The following PSD3 variants were observed in gnomAD, a reference collection of about 807,000 sequenced individuals.
The protein encoded by PSD3 is pleckstrin and Sec7 domain containing 3.
In PSD3, 49 loss-of-function variants were observed where a neutral mutation model predicts 105.5. The ratio of observed to expected loss-of-function variants is 0.46; its 90% CI spans 0.37 to 0.59. The LOEUF (loss-of-function observed/expected upper bound fraction) is 0.59. Among genes scored for constraint, PSD3 ranks in the 20% least tolerant of loss-of-function variants. PSD3 has a pLI of 0.00. For synonymous variants in PSD3, 557 were observed against 457.8 expected, an observed-to-expected ratio of 1.22 and a Z score of -2.77; for missense variants, 1,561 against 1,263.8, an observed-to-expected ratio of 1.24 and a Z score of -3.57.
At chr8:18,720,694 C>G (rs541174380) in intron 9 of PSD3, among the ~76,000 whole-genome samples, 1 of 152,206 alleles carries the variant, frequency 6.6e-6, no homozygotes, top group South Asian at 2.1e-4. Flanking sequence ...CCTGCCTGGC[C>G]ACCCCCACAG....
At chr8:18,644,573 G>A (rs1315916169) in intron 10 of PSD3, among the ~76,000 whole-genome samples, 1 of 152,128 alleles carries the variant, frequency 6.6e-6, no homozygotes, top group Non-Finnish European at 1.5e-5. Context: ...TTCTAATTAT[G>A]ATCACTTAAG....
At chr8:18,559,007 A>G (rs1419556747) in intron 14 of PSD3, among the ~76,000 whole-genome samples, 4 of 152,096 alleles carry the variant, frequency 2.6e-5, no homozygotes, top group African/African-American at 9.7e-5. Flanking sequence ...ACACATTACA[A>G]TTTTGTTTAA....
intron 11 of PSD3, among the ~76,000 whole-genome samples, chr8:18,610,535 G>A (rs1188905486): frequency 2.6e-5 from 4 of 152,090 alleles, no homozygotes; most frequent in Non-Finnish European, 5.9e-5. Context: ...GTGATTCTGG[G>A]GGCTGCCTGA....
chr8:18,861,533 C>T (rs531094037), intron 4 of PSD3, among the ~76,000 whole-genome samples: 1 of 152,134 alleles, frequency 6.6e-6, no homozygotes, highest in East Asian at 1.9e-4. Flanking sequence ...TCTGATCACA[C>T]TAGGTGTCCT....
intron 1 of PSD3, among the ~76,000 whole-genome samples, chr8:18,969,517 T>C (rs900501150): frequency 2.0e-5 from 3 of 152,240 alleles, no homozygotes; most frequent in South Asian, 2.1e-4. Flanking sequence ...AAAATTATGT[T>C]ATACCAACAA....
At chr8:18,829,416 C>T (rs577433185) in intron 4 of PSD3, among the ~76,000 whole-genome samples, 73 of 152,248 alleles carry the variant, frequency 4.8e-4, no homozygotes, top group Middle Eastern at 3.4e-3. Flanking sequence ...CATAGTTCCC[C>T]AGCAATTAGA....
At chr8:18,701,212 T>C (rs926242269) in intron 9 of PSD3, among the ~76,000 whole-genome samples, 5 of 151,772 alleles carry the variant, frequency 3.3e-5, no homozygotes, top group Non-Finnish European at 5.9e-5. Context: ...CCAAGTGATC[T>C]TCCTGCCTTA....
intron 4 of PSD3, among the ~76,000 whole-genome samples, chr8:18,825,868 C>T (rs943596149): frequency 9.2e-5 from 14 of 152,164 alleles, no homozygotes; most frequent in Admixed American, 7.9e-4. Context: ...TTTCCCCCTA[C>T]AGCAAAAAGG....
intron 9 of PSD3, among the ~76,000 whole-genome samples, chr8:18,715,233 T>C (rs985568500): frequency 1.2e-4 from 18 of 152,158 alleles, no homozygotes; most frequent in Admixed American, 1.2e-3. Flanking sequence ...GGCACACGTT[T>C]ACCCATGTAA....
intron 1 of PSD3, among the ~76,000 whole-genome samples, chr8:19,074,740 C>T (rs1248667472): frequency 1.3e-5 from 2 of 149,866 alleles, no homozygotes; most frequent in African/African-American, 4.9e-5. Flanking sequence ...CCTGCCTCAG[C>T]CTCCCGAGTA....
At chr8:18,764,818 C>T (rs1806838754) in intron 9 of PSD3, among the ~76,000 whole-genome samples, 1 of 152,156 alleles carries the variant, frequency 6.6e-6, no homozygotes, top group South Asian at 2.1e-4. Context: ...CTACAACCCC[C>T]CAAATACTCA....
chr8:18,593,845 A>G (rs549509869), intron 12 of PSD3, among the ~76,000 whole-genome samples: 2 of 151,468 alleles, frequency 1.3e-5, no homozygotes, highest in Admixed American at 1.3e-4. Context: ...GAAGCTGGAA[A>G]CCATCATTCT....
intron 11 of PSD3, among the ~76,000 whole-genome samples, chr8:18,614,340 T>TCCCCCCCCC (rs150517140): frequency 3.2e-5 from 3 of 93,596 alleles, no homozygotes; most frequent in African/African-American, 1.2e-4. Flanking sequence ...TTCTCCCCCA[T>TCCCCCCCCC]CCCCCCCCCA....
At chr8:18,929,252 T>TAA (rs5889835) in intron 2 of PSD3, among the ~76,000 whole-genome samples, 1 of 147,426 alleles carries the variant, frequency 6.8e-6, no homozygotes, top group African/African-American at 2.5e-5. Flanking sequence ...ACAACAGTGC[T>TAA]AAAAAAAAAA....
At chr8:18,862,215 G>A (rs1428558997) in intron 4 of PSD3, among the ~76,000 whole-genome samples, 1 of 151,784 alleles carries the variant, frequency 6.6e-6, no homozygotes, top group African/African-American at 2.4e-5. Flanking sequence ...TACGAGATAG[G>A]TATTATTCAT....
At chr8:18,718,184 C>T (rs1244566575) in intron 9 of PSD3, among the ~76,000 whole-genome samples, 1 of 152,206 alleles carries the variant, frequency 6.6e-6, no homozygotes, top group African/African-American at 2.4e-5. Context: ...AAAACAACAC[C>T]CTCAACAAGG....
rs146465230 is a variant in PSD3, at chr8:18,825,725, C to A, written c.1635-20827G>T. Among the ~76,000 whole-genome samples, 415 of 152,326 alleles carry A rather than the reference C, an allele frequency of 2.7e-3. 1 individual carries two copies. Among genetic ancestry groups the A allele is most frequent in the African/African-American group, 9.5e-3 (394 of 41,580 alleles). Reference sequence around the variant, plus strand: ...TGGACTGAGAACAACCTGTGAAAATCTGATCTCTTCCCTAACCTCCACACG... The same window carrying A: ...TGGACTGAGAACAACCTGTGAAAATATGATCTCTTCCCTAACCTCCACACG... On this transcript the variant is annotated intron_variant, in intron 4 of 15. Transcript: ENST00000327040.
chr8:18,921,327 T>C (rs1038848), intron 2 of PSD3, among the ~76,000 whole-genome samples: 82,267 of 152,076 alleles, frequency 0.54, 23,349 homozygotes, highest in East Asian at 0.69. Flanking sequence ...AAGTAAATTA[T>C]CTTTTAAAAC....
chr8:18,818,723 AAG>A (rs1472562881), intron 4 of PSD3, among the ~76,000 whole-genome samples: 3 of 152,174 alleles, frequency 2.0e-5, no homozygotes, highest in African/African-American at 4.8e-5. Context: ...AGAAAGAATG[AAG>A]AGTCTTTAAA....
Sources: gnomAD v4.1 joint callset for allele counts (sites outside exome capture counted in the v4.1 genomes callset) on GRCh38, gnomAD v4.1.1 for gene constraint, MANE v1.5 for transcripts, NCBI Gene and HGNC (gene_info 2026-07-23, HGNC 2026-07-21) for gene names.